The following TENM2 variants were observed in gnomAD, a reference collection of about 807,000 sequenced individuals.
TENM2 encodes the protein teneurin transmembrane protein 2.
A neutral mutation model predicts 245.2 loss-of-function variants in TENM2; 52 were observed. The ratio of observed to expected loss-of-function variants is 0.21; its 90% CI spans 0.17 to 0.27. TENM2 has a LOEUF of 0.27. TENM2 is among the 10% of genes least tolerant of loss of function. The pLI is 1.00. For synonymous variants in TENM2, 1,363 were observed against 1,438.9 expected (o/e 0.95, Z 1.19); for missense variants, 3,046 against 3,666.8 (o/e 0.83, Z 4.37).
At chr5:167,824,739 C>T (rs538693737) in intron 2 of TENM2, among the ~76,000 whole-genome samples, 3 of 152,256 alleles carry the variant, frequency 2.0e-5, no homozygotes, top group East Asian at 3.9e-4. Context: ...AGCTCATAGC[C>T]GTAAGGAAAG....
rs180746290 is a variant in TENM2 at position 167,816,598 on chromosome 5, G to T, written c.503-59388G>T. On this transcript the variant is annotated intron_variant, in intron 2 of 28. Coordinates refer to ENST00000518659, the Ensembl canonical transcript of TENM2. The stretch of plus-strand genomic sequence containing the variant: ...GAAGGAGTGATAGTTTCTCAATTCT[G>T]CCGCCAGTGAGACACAACTTCACCT... 6.8e-3 allele frequency among the ~76,000 whole-genome samples: 1,032 copies of T among 152,212 alleles called. 12 individuals are homozygous for T. The highest frequency in any genetic ancestry group is 9.5e-3 in the Non-Finnish European group (649 of 68,016).
At chr5:167,490,678 CAT>C (rs34537753) in intron 2 of TENM2, among the ~76,000 whole-genome samples, 2,028 of 152,186 alleles carry the variant, frequency 0.013, 54 homozygotes, top group African/African-American at 0.046. Context: ...AAAATAATTG[CAT>C]TATCATAAAT....
At chr5:167,938,974 G>C (rs1444731456) in intron 3 of TENM2, among the ~76,000 whole-genome samples, 2 of 151,702 alleles carry the variant, frequency 1.3e-5, no homozygotes, top group Non-Finnish European at 2.9e-5. Context: ...TTTGTCATAA[G>C]TGAGCTTAGC....
intron 25 of TENM2, among the ~76,000 whole-genome samples, chr5:168,241,296 C>T (rs1292776186): frequency 6.6e-6 from 1 of 151,892 alleles, no homozygotes; most frequent in Non-Finnish European, 1.5e-5. Flanking sequence ...CACTCTGTCC[C>T]CCAGGGTGGG....
Position 168,140,159 on chromosome 5 carries a change from A to G in TENM2, c.2422+13193A>G, listed in dbSNP as rs116675619. 5.6e-3 allele frequency among the ~76,000 whole-genome samples: 851 copies of G among 152,310 alleles called. 14 individuals carry two copies. The highest frequency in any genetic ancestry group is 6.4e-3 in the Non-Finnish European group (435 of 68,026). On this transcript the variant is annotated intron_variant, in intron 12 of 28. Coordinates refer to ENST00000518659, the Ensembl canonical transcript of TENM2. The stretch of plus-strand genomic sequence containing the variant: ...GTGGGAGTCTCATTACCATGATACA[A>G]TGGTGATACTTTGCACTTGCATGGT...
intron 2 of TENM2, among the ~76,000 whole-genome samples, chr5:167,650,160 G>A (rs189765351): frequency 2.0e-5 from 3 of 152,196 alleles, no homozygotes; most frequent in African/African-American, 7.2e-5. Flanking sequence ...TGCATTCCCT[G>A]GGTCTCAATA....
At chr5:167,639,316 T>C (rs1192061776) in intron 2 of TENM2, among the ~76,000 whole-genome samples, 4 of 152,164 alleles carry the variant, frequency 2.6e-5, no homozygotes, top group African/African-American at 9.7e-5. Context: ...TGGAATAGGA[T>C]TTTATGTGTG....
At chr5:168,186,745 T>C (rs924821933) in intron 13 of TENM2, 35 of 152,246 alleles carry the variant, frequency 2.3e-4, no homozygotes, top group Admixed American at 1.0e-3. Context: ...TTCCCTCTGC[T>C]GTTGAATGGA....
At chr5:167,452,950 T>TATATATTTTTTTTTTAA (rs1561968212) in intron 2 of TENM2, among the ~76,000 whole-genome samples, 3 of 99,630 alleles carry the variant, frequency 3.0e-5, no homozygotes, top group African/African-American at 1.0e-4. Context: ...TATATATATA[T>TATATATTTTTTTTTTAA]ATATATATAT....
chr5:168,238,221 G>GAAGAAAAGAA (rs1182778870), intron 25 of TENM2, among the ~76,000 whole-genome samples: 888 of 24,228 alleles, frequency 0.037, 132 homozygotes, highest in Middle Eastern at 0.071. Context: ...GAGGGAGAGA[G>GAAGAAAAGAA]AAGAAAAGAA....
chr5:167,892,683 T>C (rs1056717223), intron 3 of TENM2, among the ~76,000 whole-genome samples: 1 of 152,180 alleles, frequency 6.6e-6, no homozygotes, highest in African/African-American at 2.4e-5. Flanking sequence ...TGGAAGCCCA[T>C]GCCCTCATTT....
At chr5:167,723,380 G>A (rs1256964354) in intron 2 of TENM2, among the ~76,000 whole-genome samples, 1 of 152,100 alleles carries the variant, frequency 6.6e-6, no homozygotes, top group Admixed American at 6.5e-5. Flanking sequence ...GAATTCTCCA[G>A]TCTCCCCACC....
At chr5:168,133,874 G>A (rs1051210846) in intron 12 of TENM2, among the ~76,000 whole-genome samples, 2 of 152,210 alleles carry the variant, frequency 1.3e-5, no homozygotes, top group African/African-American at 4.8e-5. Flanking sequence ...GGATTTTGTG[G>A]CAAGACGTGG....
At chr5:167,351,713 A>G (rs1220807846) in intron 1 of TENM2, among the ~76,000 whole-genome samples, 1 of 152,154 alleles carries the variant, frequency 6.6e-6, no homozygotes, top group Non-Finnish European at 1.5e-5. Context: ...TTTGCCTAAT[A>G]ATGAAGGGAT....
At chr5:167,630,340 G>T (rs2127790286) in intron 2 of TENM2, among the ~76,000 whole-genome samples, 1 of 152,274 alleles carries the variant, frequency 6.6e-6, no homozygotes, top group South Asian at 2.1e-4. Context: ...CTACCTGACA[G>T]ATGGGTGGAA....
chr5:167,637,551 C>G (rs1332824669), intron 2 of TENM2, among the ~76,000 whole-genome samples: 3 of 152,138 alleles, frequency 2.0e-5, no homozygotes, highest in Non-Finnish European at 2.9e-5. Context: ...TTTGCAATAG[C>G]AAAGACTTGG....
chr5:167,954,536 A>G (rs927693182), intron 4 of TENM2, among the ~76,000 whole-genome samples: 2 of 152,216 alleles, frequency 1.3e-5, no homozygotes. Context: ...TTACATAGGT[A>G]TAAACATGCC....
chr5:167,672,836 A>G (rs1187323309), intron 2 of TENM2, among the ~76,000 whole-genome samples: 1 of 152,000 alleles, frequency 6.6e-6, no homozygotes. Flanking sequence ...TCCAACAGAA[A>G]AACTTTGCTA....
At chr5:167,322,597 C>T (rs1183377192) in intron 1 of TENM2, among the ~76,000 whole-genome samples, 2 of 152,122 alleles carry the variant, frequency 1.3e-5, no homozygotes, top group Non-Finnish European at 2.9e-5. Flanking sequence ...TACCTTTTCC[C>T]TCCCCCTTTT....
Sources: gnomAD v4.1 joint callset for allele counts (sites outside exome capture counted in the v4.1 genomes callset) on GRCh38, gnomAD v4.1.1 for gene constraint, MANE v1.5 for transcripts, NCBI Gene and HGNC (gene_info 2026-07-23, HGNC 2026-07-21) for gene names.